The following ADGRV1 variants were observed in gnomAD, a reference collection of about 807,000 sequenced individuals.
ADGRV1 encodes the protein G-protein coupled receptor 98.
Under a neutral mutation model 596.2 loss-of-function variants are expected in ADGRV1, and 359 were observed. The observed-to-expected ratio is 0.60, with a 90% CI of 0.55 to 0.66. The LOEUF (loss-of-function observed/expected upper bound fraction) is 0.66, where lower values mean the gene tolerates loss of function less well. Ranked by LOEUF, ADGRV1 falls within the 30% of genes least tolerant of loss-of-function variation. The probability of loss-of-function intolerance (pLI) is 0.00; values close to 1 mark genes in which losing one functional copy is unlikely to be tolerated. For synonymous variants in ADGRV1, 2,681 were observed against 2,679.2 expected (o/e 1.00, Z -0.02); for missense variants, 7,274 against 7,575.6 (o/e 0.96, Z 1.48).
rs147605319 is a variant in ADGRV1, at chr5:91,026,316, T to C, written c.18152+40794T>C. Among the ~76,000 whole-genome samples the C allele has an allele frequency of 5.5e-3, 842 of 152,284 alleles. 7 individuals are homozygous for C. Among genetic ancestry groups the C allele is most frequent in the African/African-American group, 0.019 (787 of 41,580 alleles). On this transcript the variant is annotated intron_variant, in intron 85 of 89. Coordinates refer to ENST00000405460, the MANE Select transcript of ADGRV1 (RefSeq NM_032119.4). ...TGAGCAAGGCATAAAACAATGCCTT[T>C]CAAAAAAATAAGCCAAAGATCATTT...
chr5:90,592,937 G>C (rs1759718734), intron 1 of ADGRV1, among the ~76,000 whole-genome samples: 1 of 152,156 alleles, frequency 6.6e-6, no homozygotes, highest in Non-Finnish European at 1.5e-5. Context: ...TCATTAAAAA[G>C]TCAGGAAACA....
At chr5:90,815,823 G>T in intron 75 of ADGRV1, 87 bp downstream of exon 75, 1 of 784,018 alleles carries the variant, frequency 1.3e-6, no homozygotes, top group Non-Finnish European at 2.1e-6. Flanking sequence ...TGGAGGGCAG[G>T]GTAAGATAGA....
At position 90,948,184 on chromosome 5, in the gene ADGRV1, C is replaced by A. The variant is rs945137926; in HGVS notation, c.17857-17231C>A. On this transcript the variant is annotated intron_variant, in intron 83 of 89. Transcript: ENST00000405460. ...TTCCCTGACATTATTCTGTTAGTTA[C>A]TAGGTGATATTAGAATTTGAATCCA... 2.0e-5 allele frequency among the ~76,000 whole-genome samples: 3 copies of A among 152,052 alleles called. No individual in the cohort carries two copies. The South Asian group carries it at 6.2e-4, about 32-fold the overall frequency.
At chr5:91,039,252 C>T (rs1410630329) in intron 85 of ADGRV1, among the ~76,000 whole-genome samples, 1 of 152,090 alleles carries the variant, frequency 6.6e-6, no homozygotes, top group Non-Finnish European at 1.5e-5. Context: ...CCATAGATAC[C>T]CAAGATGTTT....
intron 70 of ADGRV1, among the ~76,000 whole-genome samples, chr5:90,795,028 TG>T (rs1760523195): frequency 6.7e-6 from 1 of 150,086 alleles, no homozygotes; most frequent in Non-Finnish European, 1.5e-5. Flanking sequence ...ACCAGGGCCC[TG>T]GGTTTCAAGC....
At chr5:91,061,757 C>T (rs943567142) in intron 85 of ADGRV1, among the ~76,000 whole-genome samples, 1 of 152,168 alleles carries the variant, frequency 6.6e-6, no homozygotes, top group Non-Finnish European at 1.5e-5. Flanking sequence ...AGGGATTTGT[C>T]AATATGTAGA....
intron 76 of ADGRV1, 34 bp downstream of exon 76, chr5:90,823,630 C>G: frequency 6.5e-7 from 1 of 1,544,832 alleles, no homozygotes; most frequent in Non-Finnish European, 8.9e-7. Flanking sequence ...GTGTCAACTT[C>G]TAATTATATT....
intron 86 of ADGRV1, among the ~76,000 whole-genome samples, chr5:91,088,763 T>G (rs1319272496): frequency 2.0e-5 from 3 of 152,072 alleles, no homozygotes; most frequent in Non-Finnish European, 4.4e-5. Flanking sequence ...CAATTTAAAC[T>G]CTACATTTAA....
chr5:90,634,554 A>AT (rs1765908317), intron 9 of ADGRV1, among the ~76,000 whole-genome samples: 2 of 152,128 alleles, frequency 1.3e-5, no homozygotes, highest in Admixed American at 1.3e-4. Context: ...CTGATACTGG[A>AT]TTTTGTCTGG....
intron 83 of ADGRV1, among the ~76,000 whole-genome samples, chr5:90,905,137 C>T (rs186218164): frequency 3.3e-5 from 5 of 152,044 alleles, no homozygotes; most frequent in Admixed American, 3.3e-4. Context: ...TTGATTACTA[C>T]AACTGTGTGG....
chr5:91,153,536 A>G, intron 89 of ADGRV1, 138 bp downstream of exon 89: 1 of 475,818 alleles, frequency 2.1e-6, no homozygotes, highest in South Asian at 7.8e-5. Context: ...TCCTAATCCC[A>G]GGAAAACTCT....
chr5:91,062,387 G>A (rs780528023), intron 85 of ADGRV1, among the ~76,000 whole-genome samples: 5 of 152,196 alleles, frequency 3.3e-5, no homozygotes, highest in Admixed American at 6.5e-5. Context: ...TTGTCTCTGA[G>A]GCAGGTGCTC....
chr5:91,070,330 C>T (rs1035019447), intron 85 of ADGRV1, among the ~76,000 whole-genome samples: 1 of 152,258 alleles, frequency 6.6e-6, no homozygotes, highest in East Asian at 1.9e-4. Context: ...TCCCTGGTTA[C>T]TTATATTTTG....
chr5:90,875,585 G>T (rs970330526), intron 83 of ADGRV1, among the ~76,000 whole-genome samples: 1 of 152,214 alleles, frequency 6.6e-6, no homozygotes, highest in Non-Finnish European at 1.5e-5. Context: ...GTCAGGAAAG[G>T]TGAGATGGAG....
At chr5:91,092,253 C>G (rs1181710758) in intron 86 of ADGRV1, among the ~76,000 whole-genome samples, 1 of 152,136 alleles carries the variant, frequency 6.6e-6, no homozygotes, top group African/African-American at 2.4e-5. Flanking sequence ...GTGCCTGCCA[C>G]CAGGCTGGCT....
At chr5:90,966,436 G>T (rs147969097) in intron 84 of ADGRV1, among the ~76,000 whole-genome samples, 1 of 149,872 alleles carries the variant, frequency 6.7e-6, no homozygotes, top group Non-Finnish European at 1.5e-5. Flanking sequence ...GGAGGCTGAG[G>T]CAGGAGAATC....
chr5:90,936,650 GTT>G (rs1561968638), intron 83 of ADGRV1, among the ~76,000 whole-genome samples: 1 of 150,406 alleles, frequency 6.6e-6, no homozygotes, highest in Non-Finnish European at 1.5e-5. Context: ...TTTTAGTTTT[GTT>G]TTGTAGATAC....
intron 78 of ADGRV1, among the ~76,000 whole-genome samples, chr5:90,848,076 C>A (rs1766098346): frequency 6.6e-6 from 1 of 152,014 alleles, no homozygotes; most frequent in Admixed American, 6.5e-5. Context: ...CTCAAAAAAA[C>A]AAATAACCCA....
At chr5:91,109,143 T>A (rs1433888379) in intron 87 of ADGRV1, among the ~76,000 whole-genome samples, 1 of 152,234 alleles carries the variant, frequency 6.6e-6, no homozygotes, top group Non-Finnish European at 1.5e-5. Context: ...ATTTTTATTG[T>A]TGAATACTCT....
Sources: allele counts gnomAD v4.1 joint callset (sites outside exome capture counted in the v4.1 genomes callset), GRCh38; gene constraint gnomAD v4.1.1; transcripts MANE v1.5; gene names NCBI Gene and HGNC (gene_info 2026-07-23, HGNC 2026-07-21).